DOCK2: variants seen among roughly 807,000 people sequenced by gnomAD.
DOCK2 encodes dedicator of cytokinesis protein 2.
DOCK2 carries 87 observed loss-of-function variants against 248.9 expected under a neutral mutation model. That is an observed-to-expected ratio of 0.35 (90% CI 0.29 to 0.42). The LOEUF is 0.42. Ranked by LOEUF, DOCK2 falls within the 10% of genes least tolerant of loss-of-function variation. The probability of loss-of-function intolerance (pLI) is 1.00; values close to 1 mark genes in which losing one functional copy is unlikely to be tolerated. For synonymous variants in DOCK2, 805 were observed against 821.6 expected (o/e 0.98, Z 0.35); for missense variants, 1,747 against 2,300.2 (o/e 0.76, Z 4.92).
At chr5:169,647,794 C>T (rs963563248) in intron 1 of DOCK2, among the ~76,000 whole-genome samples, 1 of 152,166 alleles carries the variant, frequency 6.6e-6, no homozygotes, top group Non-Finnish European at 1.5e-5. Flanking sequence ...GCCTCTTTTT[C>T]CCTCTGAGAG....
chr5:170,046,810 C>CTAA (rs1277409046), intron 39 of DOCK2, among the ~76,000 whole-genome samples: 1 of 152,074 alleles, frequency 6.6e-6, no homozygotes, highest in Non-Finnish European at 1.5e-5. Context: ...CAAGCACACA[C>CTAA]TAATGTATGT....
At chr5:169,887,835 G>A (rs1259745470) in intron 27 of DOCK2, among the ~76,000 whole-genome samples, 4 of 152,108 alleles carry the variant, frequency 2.6e-5, no homozygotes, top group African/African-American at 4.8e-5. Context: ...TTCTACTAAC[G>A]TGCAACTCTG....
At chr5:169,794,461 C>A (rs893064760) in intron 25 of DOCK2, among the ~76,000 whole-genome samples, 7 of 151,958 alleles carry the variant, frequency 4.6e-5, no homozygotes, top group Admixed American at 4.6e-4. Flanking sequence ...ATATAATATC[C>A]ATGAGAACAG....
intron 22 of DOCK2, among the ~76,000 whole-genome samples, chr5:169,724,645 A>G (rs1163566615): frequency 6.6e-6 from 1 of 152,112 alleles, no homozygotes; most frequent in Non-Finnish European, 1.5e-5. Context: ...CGACGCCTCC[A>G]GTCTAGCTTA....
At chr5:169,714,478 A>G in intron 19 of DOCK2, 21 bp downstream of exon 19, 1 of 1,612,896 alleles carries the variant, frequency 6.2e-7, no homozygotes, top group Admixed American at 1.7e-5. Flanking sequence ...CTTCATTTTG[A>G]TTGTATTCTT....
chr5:170,041,790 C>T (rs1461812206), intron 37 of DOCK2, among the ~76,000 whole-genome samples: 1 of 152,194 alleles, frequency 6.6e-6, no homozygotes, highest in Non-Finnish European at 1.5e-5. Flanking sequence ...ATTAGTGCTG[C>T]CTGGAGGGCA....
chr5:169,916,414 C>A (rs975335394), intron 27 of DOCK2, among the ~76,000 whole-genome samples: 3 of 152,178 alleles, frequency 2.0e-5, no homozygotes, highest in Non-Finnish European at 4.4e-5. Context: ...TGTTCTGGAG[C>A]TGAAGAAACC....
intron 22 of DOCK2, among the ~76,000 whole-genome samples, chr5:169,720,648 G>A (rs573191717): frequency 5.9e-5 from 9 of 152,284 alleles, no homozygotes; most frequent in South Asian, 4.2e-4. Context: ...GACACTGAGC[G>A]GCTCCCCTTC....
At chr5:170,062,053 G>A (rs1293659705) in intron 44 of DOCK2, among the ~76,000 whole-genome samples, 1 of 152,028 alleles carries the variant, frequency 6.6e-6, no homozygotes, top group Non-Finnish European at 1.5e-5. Flanking sequence ...CCCAGGGTGT[G>A]CATGTGTGGA....
intron 37 of DOCK2, among the ~76,000 whole-genome samples, chr5:170,041,358 C>T (rs1457642379): frequency 6.6e-6 from 1 of 152,208 alleles, no homozygotes; most frequent in Non-Finnish European, 1.5e-5. Flanking sequence ...AAAACAACCC[C>T]TCTTCGAGAT....
At chr5:169,947,623 C>T (rs1482275311) in intron 27 of DOCK2, among the ~76,000 whole-genome samples, 1 of 152,182 alleles carries the variant, frequency 6.6e-6, no homozygotes, top group Non-Finnish European at 1.5e-5. Context: ...ATTTCTTATT[C>T]CTCTCCCTCC....
In DOCK2 at chr5:169,695,944, G is replaced by A. The variant is rs200237259; in HGVS notation, c.979+6G>A. On this transcript the variant is annotated splice_donor_region_variant and intron_variant, in intron 10 of 51. Coordinates refer to ENST00000520908, the MANE Select transcript of DOCK2 (RefSeq NM_004946.3). ...GAGGCCCTTTGGGGTGGCAGGTAAGGGGCACACTCTGCATCATTGATTTTT... is the reference window on the plus strand; with the variant it reads ...GAGGCCCTTTGGGGTGGCAGGTAAGAGGCACACTCTGCATCATTGATTTTT... 567 of 1,589,650 alleles carry A rather than the reference G, an allele frequency of 3.6e-4. 6 individuals carry two copies. In the East Asian group the frequency reaches 9.0e-3, roughly 25 times the overall value.
At chr5:169,738,895 T>C (rs1410906854) in intron 22 of DOCK2, among the ~76,000 whole-genome samples, 1 of 152,210 alleles carries the variant, frequency 6.6e-6, no homozygotes, top group Non-Finnish European at 1.5e-5. Flanking sequence ...TCTGTTACCC[T>C]GTCCTCTGCG....
chr5:169,969,225 A>G (rs1777410408), intron 27 of DOCK2, among the ~76,000 whole-genome samples: 1 of 152,092 alleles, frequency 6.6e-6, no homozygotes, highest in South Asian at 2.1e-4. Context: ...CAGATAGATC[A>G]CCTGAGGTCA....
At chr5:169,881,790 C>T (rs139437869) in intron 27 of DOCK2, among the ~76,000 whole-genome samples, 46 of 152,284 alleles carry the variant, frequency 3.0e-4, no homozygotes, top group South Asian at 1.7e-3. Context: ...CTCTCCTATA[C>T]GGCAGTGCTG....
chr5:169,841,480 T>C (rs1360258349), intron 27 of DOCK2: 3 of 983,950 alleles, frequency 3.0e-6, no homozygotes, highest in Non-Finnish European at 3.6e-6. Context: ...CAGGGGCCAG[T>C]CACCAACATA....
At chr5:169,878,590 C>T (rs1472177047) in intron 27 of DOCK2, among the ~76,000 whole-genome samples, 14 of 152,286 alleles carry the variant, frequency 9.2e-5, no homozygotes, top group South Asian at 2.1e-4. Context: ...GTTTTAAAGA[C>T]GTTCTAGTAC....
chr5:169,697,312 T>G (rs1024050053), intron 10 of DOCK2, among the ~76,000 whole-genome samples: 4 of 152,174 alleles, frequency 2.6e-5, no homozygotes, highest in African/African-American at 9.7e-5. Context: ...CATGCTGGCT[T>G]ACTAAGAAGA....
At chr5:169,935,723 T>C (rs1041538410) in intron 27 of DOCK2, among the ~76,000 whole-genome samples, 3 of 152,220 alleles carry the variant, frequency 2.0e-5, no homozygotes, top group Non-Finnish European at 4.4e-5. Flanking sequence ...TGCTACATTA[T>C]GTCTTAAAAC....
Sources: allele counts gnomAD v4.1 joint callset (sites outside exome capture counted in the v4.1 genomes callset), GRCh38; gene constraint gnomAD v4.1.1; transcripts MANE v1.5; gene names NCBI Gene and HGNC (gene_info 2026-07-23, HGNC 2026-07-21).